The following ITGA4 variants were observed in gnomAD, a reference collection of about 807,000 sequenced individuals.
ITGA4 encodes the protein integrin subunit alpha 4, also known as integrin alpha-4.
In ITGA4, 63 loss-of-function variants were observed where a neutral mutation model predicts 133.6. That is an observed-to-expected ratio of 0.47 (90% CI 0.38 to 0.58). The LOEUF is 0.58. Among genes scored for constraint, ITGA4 ranks in the 20% least tolerant of loss-of-function variants. ITGA4 has a pLI of 0.00. For synonymous variants in ITGA4, 483 were observed against 438.0 expected (o/e 1.10, Z -1.28); for missense variants, 1,076 against 1,252.7 (o/e 0.86, Z 2.13).
At chr2:181,460,874 G>A (rs1685259841) in intron 2 of ITGA4, among the ~76,000 whole-genome samples, 1 of 152,036 alleles carries the variant, frequency 6.6e-6, no homozygotes, top group Admixed American at 6.5e-5. Flanking sequence ...AGAAATTTTT[G>A]TTGGCTGAAG....
intron 15 of ITGA4, among the ~76,000 whole-genome samples, chr2:181,505,586 T>A (rs1686376805): frequency 1.3e-5 from 2 of 152,124 alleles, no homozygotes. Context: ...AATATTTAAT[T>A]AATCACTTCA....
intron 10 of ITGA4, among the ~76,000 whole-genome samples, chr2:181,491,776 C>G (rs1039670160): frequency 6.6e-6 from 1 of 152,194 alleles, no homozygotes; most frequent in Admixed American, 6.5e-5. Context: ...TCCTCTTTCT[C>G]TTCCTTACCA....
chr2:181,460,742 TATC>T (rs1685256577), intron 2 of ITGA4, among the ~76,000 whole-genome samples: 1 of 152,176 alleles, frequency 6.6e-6, no homozygotes, highest in Non-Finnish European at 1.5e-5. Flanking sequence ...TTAAATCTAT[TATC>T]TGTATGTTAT....
chr2:181,475,946 G>A, intron 4 of ITGA4: 2 of 1,407,744 alleles, frequency 1.4e-6, no homozygotes. Flanking sequence ...TAGGAGCTAA[G>A]AAACATATGA....
chr2:181,515,685 T>A (rs895492093), intron 17 of ITGA4, among the ~76,000 whole-genome samples: 9 of 152,104 alleles, frequency 5.9e-5, no homozygotes, highest in African/African-American at 2.2e-4. Context: ...ATGAGAGCCC[T>A]TCTAATTAAT....
intron 17 of ITGA4, among the ~76,000 whole-genome samples, chr2:181,519,547 GA>G (rs1327398540): frequency 6.6e-6 from 1 of 152,056 alleles, no homozygotes; most frequent in Non-Finnish European, 1.5e-5. Context: ...AAAGTGGGGG[GA>G]AATATCCAAA....
intron 21 of ITGA4, among the ~76,000 whole-genome samples, chr2:181,526,842 T>TTTTTTTTTTTTTTTTG: frequency 8.2e-6 from 1 of 121,608 alleles, no homozygotes; most frequent in Non-Finnish European, 1.7e-5. Flanking sequence ...TTTTTTTTTT[T>TTTTTTTTTTTTTTTTG]TTTTTTTTTT....
At chr2:181,502,252 G>C (rs538872799) in intron 15 of ITGA4, among the ~76,000 whole-genome samples, 14 of 152,116 alleles carry the variant, frequency 9.2e-5, no homozygotes, top group Non-Finnish European at 2.1e-4. Flanking sequence ...GGAAGGAAAG[G>C]AATTGGAAGC....
At chr2:181,467,089 T>C (rs984010929) in intron 2 of ITGA4, among the ~76,000 whole-genome samples, 1 of 152,160 alleles carries the variant, frequency 6.6e-6, no homozygotes, top group Non-Finnish European at 1.5e-5. Context: ...TTATAAAAAA[T>C]ATCTTGAATG....
Position 181,527,397 on chromosome 2 carries a change from G to C in ITGA4, c.2430+10G>C, listed in dbSNP as rs757714016. On this transcript the variant is annotated intron_variant, in intron 22 of 27. Transcript: ENST00000397033. Reference sequence around the variant, plus strand: ...GAACTTAACTTTCCATGTAAGAAAAGTTAATTGTGTTAATATTTGTAACAA... The same window carrying C: ...GAACTTAACTTTCCATGTAAGAAAACTTAATTGTGTTAATATTTGTAACAA... 3.3e-6 allele frequency: 5 copies of C among 1,529,416 alleles called. No homozygotes were observed. The highest frequency in any genetic ancestry group is 4.5e-6 in the Non-Finnish European group (5 of 1,103,810). 94.7% of individuals were successfully genotyped at this position (1,529,416 alleles called of 1,614,324 possible).
At chr2:181,475,530 C>T (rs959890908) in intron 4 of ITGA4, among the ~76,000 whole-genome samples, 10 of 152,126 alleles carry the variant, frequency 6.6e-5, no homozygotes, top group African/African-American at 2.4e-4. Flanking sequence ...CTTTAACTAC[C>T]CACTTTTGCA....
At position 181,529,563 on chromosome 2, in the gene ITGA4, T is replaced by A. The variant is rs201064273; in HGVS notation, c.2453T>A (p.Met818Lys). ...TFHVINTGNS[M>K]APNVSVEIMV... Reference sequence around the variant, plus strand: ...CAGGTTATCAACACTGGCAATAGTATGGCTCCCAATGTTAGTGTGGAAATA... The same window carrying A: ...CAGGTTATCAACACTGGCAATAGTAAGGCTCCCAATGTTAGTGTGGAAATA... The change falls in exon 23 of 28, where the codon ATG (methionine) becomes AAG (lysine). Residue 818 changes from methionine to lysine, a missense_variant. Around this residue, in one of 4 missense-constraint regions of ITGA4, gnomAD observed 365 missense variants for 421.4 expected, o/e 0.87. Coordinates refer to ENST00000397033, the MANE Select transcript of ITGA4 (RefSeq NM_000885.6). 1 of 1,604,002 alleles carries A rather than the reference T, an allele frequency of 6.2e-7. No homozygotes were observed. Among genetic ancestry groups the A allele is most frequent in the South Asian group, 1.1e-5 (1 of 90,748 alleles).
chr2:181,497,886 TC>T (rs1162552008), intron 14 of ITGA4, among the ~76,000 whole-genome samples: 1 of 151,924 alleles, frequency 6.6e-6, no homozygotes, highest in Admixed American at 6.6e-5. Flanking sequence ...CTTTTTTTTT[TC>T]TTTCAAATTT....
At chr2:181,475,765 A>G in intron 4 of ITGA4, 1 of 1,553,678 alleles carries the variant, frequency 6.4e-7, no homozygotes. Context: ...TCAAGCAGCA[A>G]GAGATTCGTG....
chr2:181,503,328 C>T (rs923807186), intron 15 of ITGA4, among the ~76,000 whole-genome samples: 1 of 152,024 alleles, frequency 6.6e-6, no homozygotes, highest in Non-Finnish European at 1.5e-5. Flanking sequence ...TAGTTTTATG[C>T]TAGATCTTCT....
chr2:181,517,155 G>T lies in ITGA4; in HGVS notation c.1923-5036G>T, dbSNP rs758969282. 1.8e-4 allele frequency among the ~76,000 whole-genome samples: 28 copies of T among 152,102 alleles called. No homozygotes were observed. In the Middle Eastern group the frequency reaches 0.014, roughly 74 times the overall value. On this transcript the variant is annotated intron_variant, in intron 17 of 27. Transcript: ENST00000397033. Reference sequence around the variant, plus strand: ...GAAAAAAAGATAAAAATTGTACTTAGGCCTGTAGACTACTTGCTGCAGGTT... The same window carrying T: ...GAAAAAAAGATAAAAATTGTACTTATGCCTGTAGACTACTTGCTGCAGGTT...
intron 2 of ITGA4, 62 bp from the exon 3 acceptor site, chr2:181,474,898 T>C: frequency 7.7e-7 from 1 of 1,292,992 alleles, no homozygotes; most frequent in Middle Eastern, 1.9e-4. Flanking sequence ...GAGTGCACAG[T>C]TTTCTCTTCT....
At chr2:181,517,640 G>T (rs3770110) in intron 17 of ITGA4, among the ~76,000 whole-genome samples, 35,421 of 151,998 alleles carry the variant, frequency 0.23, 4,844 homozygotes, top group Non-Finnish European at 0.31. Context: ...TAGGAAGCTG[G>T]TAGGTATCTT....
At position 181,537,458 on chromosome 2, in the gene ITGA4, T is replaced by TACC. The variant is rs1354443489; in HGVS notation, c.*1934_*1936dup. On this transcript the variant is annotated 3_prime_UTR_variant, in exon 28 of 28. Coordinates refer to ENST00000397033, the MANE Select transcript of ITGA4 (RefSeq NM_000885.6). The stretch of plus-strand genomic sequence containing the variant: ...ACTTGTATCATGAATTTTAAAACCC[T>TACC]ACCACTTTAAGAAGACAGGGATGGG... The TACC allele has an allele frequency of 4.4e-6, 2 of 453,772 alleles. No homozygotes were observed. Among genetic ancestry groups the TACC allele is most frequent in the African/African-American group, 4.0e-5 (2 of 49,948 alleles). 28.1% of individuals were successfully genotyped at this position (453,772 alleles called of 1,614,324 possible). A position where few individuals can be genotyped will look rare whatever the true frequency, so the allele number is the denominator to read the frequency against.
Sources: gnomAD v4.1 joint callset for allele counts (sites outside exome capture counted in the v4.1 genomes callset) on GRCh38, gnomAD v4.1.1 for gene constraint, gnomAD v4.1.1 regional missense constraint, MANE v1.5 for transcripts, NCBI Gene and HGNC (gene_info 2026-07-23, HGNC 2026-07-21) for gene names.